Variants in STXBP5L observed in about 807,000 individuals in gnomAD.
The protein encoded by STXBP5L is syntaxin binding protein 5L, also known as syntaxin-binding protein 5-like.
STXBP5L carries 65 observed loss-of-function variants against 144.5 expected under a neutral mutation model. The ratio of observed to expected loss-of-function variants is 0.45; its 90% CI spans 0.37 to 0.55. The LOEUF (loss-of-function observed/expected upper bound fraction) is 0.55, where lower values mean the gene tolerates loss of function less well. Among genes scored for constraint, STXBP5L ranks in the 20% least tolerant of loss-of-function variants. STXBP5L has a pLI of 0.00. For synonymous variants in STXBP5L, 505 were observed against 469.6 expected (o/e 1.08, Z -0.97); for missense variants, 1,298 against 1,405.5 (o/e 0.92, Z 1.22).
chr3:121,097,788 C>G (rs964374792), intron 5 of STXBP5L, among the ~76,000 whole-genome samples: 1 of 152,078 alleles, frequency 6.6e-6, no homozygotes, highest in African/African-American at 2.4e-5. Context: ...CCCTTGTTTG[C>G]CAGTATTTTT....
intron 20 of STXBP5L, chr3:121,324,534 A>G (rs1213086742): frequency 1.4e-6 from 1 of 699,090 alleles, no homozygotes; most frequent in Non-Finnish European, 2.6e-6. Flanking sequence ...AGGCTTTTAT[A>G]GGAATGAAAT....
chr3:121,337,212 T>C (rs2044538487), intron 20 of STXBP5L, among the ~76,000 whole-genome samples: 1 of 151,860 alleles, frequency 6.6e-6, no homozygotes, highest in East Asian at 1.9e-4. Context: ...AGTTTACTTA[T>C]ATAACAAATC....
chr3:120,969,147 C>T (rs1055990812), intron 3 of STXBP5L, among the ~76,000 whole-genome samples: 1 of 152,044 alleles, frequency 6.6e-6, no homozygotes, highest in African/African-American at 2.4e-5. Flanking sequence ...TACTAATTTA[C>T]ATTCCTATCA....
Position 121,120,138 on chromosome 3 carries a change from A to G in STXBP5L, c.606-1503A>G, listed in dbSNP as rs2044394067. On this transcript the variant is annotated intron_variant, in intron 6 of 26. Transcript: ENST00000471454. Reference sequence around the variant, plus strand: ...TTTAACTTTAATTCAGGGTTTCCCAAAGTTTTAAAATATAGAACAACTAAC... The same window carrying G: ...TTTAACTTTAATTCAGGGTTTCCCAGAGTTTTAAAATATAGAACAACTAAC... Among the ~76,000 whole-genome samples, 2 of 151,314 alleles carry G rather than the reference A, an allele frequency of 1.3e-5. 1 individual carries two copies. Among genetic ancestry groups the G allele is most frequent in the South Asian group, 4.1e-4 (2 of 4,824 alleles).
At chr3:120,939,464 CCT>C (rs1250484433) in intron 2 of STXBP5L, among the ~76,000 whole-genome samples, 2 of 152,032 alleles carry the variant, frequency 1.3e-5, no homozygotes, top group Non-Finnish European at 2.9e-5. Context: ...TTCCCCCTCC[CCT>C]GTCTACTACT....
At chr3:121,388,936 T>C (rs565641016) in intron 22 of STXBP5L, among the ~76,000 whole-genome samples, 36 of 152,344 alleles carry the variant, frequency 2.4e-4, no homozygotes, top group African/African-American at 8.7e-4. Context: ...CCTCTTTTTC[T>C]ATTGATTGGA....
chr3:121,314,727 C>T (rs1262591374), intron 19 of STXBP5L, among the ~76,000 whole-genome samples: 1 of 152,046 alleles, frequency 6.6e-6, no homozygotes, highest in Non-Finnish European at 1.5e-5. Context: ...ATTTTTGCAA[C>T]CTACTCATCT....
intron 20 of STXBP5L, among the ~76,000 whole-genome samples, chr3:121,343,489 C>T (rs1463688332): frequency 6.6e-6 from 1 of 152,066 alleles, no homozygotes; most frequent in Non-Finnish European, 1.5e-5. Context: ...GACTGTATAT[C>T]TAGAAAACCC....
chr3:121,255,173 G>T (rs927672498), intron 16 of STXBP5L, 61 bp downstream of exon 16: 4 of 1,284,184 alleles, frequency 3.1e-6, no homozygotes, highest in Non-Finnish European at 4.2e-6. Flanking sequence ...TATTATCATA[G>T]ATTTGACTAC....
intron 5 of STXBP5L, among the ~76,000 whole-genome samples, chr3:121,061,438 AG>A (rs1274334860): frequency 6.6e-6 from 1 of 152,076 alleles, no homozygotes; most frequent in Non-Finnish European, 1.5e-5. Context: ...CTGAGGTGAA[AG>A]CATATTCTCT....
At chr3:121,051,639 G>A (rs1057183779) in intron 5 of STXBP5L, among the ~76,000 whole-genome samples, 4 of 152,184 alleles carry the variant, frequency 2.6e-5, no homozygotes, top group Non-Finnish European at 4.4e-5. Flanking sequence ...AAGCAGGAAA[G>A]ATCCAAAATT....
chr3:121,387,710 G>A (rs1449660864), intron 22 of STXBP5L, among the ~76,000 whole-genome samples: 1 of 152,094 alleles, frequency 6.6e-6, no homozygotes, highest in Non-Finnish European at 1.5e-5. Context: ...AGATCAGATG[G>A]TGTAGATGTG....
intron 19 of STXBP5L, among the ~76,000 whole-genome samples, chr3:121,312,990 G>A (rs1429771820): frequency 3.3e-5 from 5 of 152,294 alleles, no homozygotes; most frequent in South Asian, 2.1e-4. Context: ...CCTCCCAGAC[G>A]GGGTCATGGC....
At chr3:121,299,823 C>G (rs1464186854) in intron 19 of STXBP5L, among the ~76,000 whole-genome samples, 1 of 151,742 alleles carries the variant, frequency 6.6e-6, no homozygotes, top group Non-Finnish European at 1.5e-5. Context: ...CCTGTCTCTA[C>G]CAAAAACTAC....
chr3:121,301,819 A>T (rs377390905), intron 19 of STXBP5L, among the ~76,000 whole-genome samples: 2 of 152,064 alleles, frequency 1.3e-5, no homozygotes, highest in South Asian at 2.1e-4. Context: ...GGTTTTTGTC[A>T]TTGGTTCTGT....
intron 5 of STXBP5L, among the ~76,000 whole-genome samples, chr3:121,073,267 T>A (rs1444488492): frequency 6.6e-6 from 1 of 152,224 alleles, no homozygotes; most frequent in East Asian, 1.9e-4. Flanking sequence ...GGATTTAGAG[T>A]GTTCACAGTC....
At chr3:121,235,830 C>CACAT (rs2049459632) in intron 12 of STXBP5L, among the ~76,000 whole-genome samples, 1 of 139,152 alleles carries the variant, frequency 7.2e-6, no homozygotes, top group Non-Finnish European at 1.6e-5. Context: ...CACACACACA[C>CACAT]ACACACACAC....
chr3:121,199,156 C>T (rs2048037893), intron 9 of STXBP5L, among the ~76,000 whole-genome samples: 1 of 151,916 alleles, frequency 6.6e-6, no homozygotes, highest in Admixed American at 6.6e-5. Context: ...TCTCTGATTA[C>T]CTCGCAGTGG....
chr3:121,295,727 G>A (rs996831124), intron 19 of STXBP5L, among the ~76,000 whole-genome samples: 1 of 152,108 alleles, frequency 6.6e-6, no homozygotes, highest in Non-Finnish European at 1.5e-5. Flanking sequence ...CACAACTGAA[G>A]AGTAGGGATA....
Sources: allele counts gnomAD v4.1 joint callset (sites outside exome capture counted in the v4.1 genomes callset), GRCh38; gene constraint gnomAD v4.1.1; transcripts MANE v1.5; gene names NCBI Gene and HGNC (gene_info 2026-07-23, HGNC 2026-07-21).